Variants in DNM1L observed in about 807,000 individuals in gnomAD.
The protein encoded by DNM1L is dynamin-1-like protein.
A neutral mutation model predicts 92.8 loss-of-function variants in DNM1L; 33 were observed. The ratio of observed to expected loss-of-function variants is 0.36; its 90% CI spans 0.27 to 0.48. The LOEUF is 0.48. DNM1L is among the 20% of genes least tolerant of loss of function. DNM1L has a pLI of 0.99. For missense variants in DNM1L, 485 were observed against 888.8 expected (o/e 0.55, Z 5.78); for synonymous variants, 284 against 305.0 (o/e 0.93, Z 0.72).
chr12:32,708,759 A>G (rs1030546830), intron 4 of DNM1L, among the ~76,000 whole-genome samples: 1 of 152,092 alleles, frequency 6.6e-6, no homozygotes, highest in African/African-American at 2.4e-5. Flanking sequence ...GATTGTGAGA[A>G]TGTGAAGTAA....
chr12:32,729,444 A>C (rs1468589516), intron 9 of DNM1L, among the ~76,000 whole-genome samples: 2 of 151,978 alleles, frequency 1.3e-5, no homozygotes, highest in Non-Finnish European at 1.5e-5. Context: ...GGTAACCTCT[A>C]ATTTAATTAA....
intron 1 of DNM1L, among the ~76,000 whole-genome samples, chr12:32,687,573 G>T (rs1283259621): frequency 6.6e-6 from 1 of 152,018 alleles, no homozygotes; most frequent in Non-Finnish European, 1.5e-5. Context: ...CTCCCAAGTA[G>T]CTGAGACTAC....
At chr12:32,736,699 C>T (rs921921621) in intron 13 of DNM1L, among the ~76,000 whole-genome samples, 52 of 152,076 alleles carry the variant, frequency 3.4e-4, no homozygotes, top group Admixed American at 1.3e-3. Flanking sequence ...AAAGGCTTTG[C>T]GGAGTTTTCT....
At chr12:32,719,667 T>C (rs1467081318) in intron 7 of DNM1L, among the ~76,000 whole-genome samples, 1 of 152,196 alleles carries the variant, frequency 6.6e-6, no homozygotes, top group Non-Finnish European at 1.5e-5. Context: ...TGGAGAAATT[T>C]TATTAAAGGT....
At chr12:32,724,193 G>A (rs1374671887) in intron 9 of DNM1L, among the ~76,000 whole-genome samples, 2 of 152,094 alleles carry the variant, frequency 1.3e-5, no homozygotes, top group Non-Finnish European at 2.9e-5. Flanking sequence ...AATACTATGT[G>A]CTATCCCTGT....
intron 1 of DNM1L, among the ~76,000 whole-genome samples, chr12:32,698,430 G>A (rs11052187): frequency 0.074 from 11,283 of 152,206 alleles, 443 homozygotes; most frequent in Middle Eastern, 0.11. Flanking sequence ...TTTAGGCTTC[G>A]GGGTGATGAG....
intron 9 of DNM1L, chr12:32,727,529 G>C: frequency 3.6e-4 from 141 of 396,472 alleles, no homozygotes; most frequent in Middle Eastern, 7.7e-4. Flanking sequence ...TCTGAAAATG[G>C]AAAAAAAAAC....
chr12:32,694,665 A>G (rs564280329), intron 1 of DNM1L, among the ~76,000 whole-genome samples: 1 of 152,334 alleles, frequency 6.6e-6, no homozygotes, highest in African/African-American at 2.4e-5. Context: ...CTAAAACAGA[A>G]CAAATAGGAT....
At chr12:32,739,870 C>A in intron 16 of DNM1L, 194 bp from the exon 17 acceptor site, 1 of 643,360 alleles carries the variant, frequency 1.6e-6, no homozygotes, top group Non-Finnish European at 2.6e-6. Flanking sequence ...TAGAGCAGAA[C>A]TTCTTTATTA....
chr12:32,706,804 TGGCTCTACAGGTAA>T (rs2137333224), intron 2 of DNM1L: 3 of 424,530 alleles, frequency 7.1e-6, no homozygotes, highest in Middle Eastern at 7.0e-4. Flanking sequence ...CAGCAAGTTG[TGGCTCTACAGGTAA>T]CCAACAGGAA....
chr12:32,731,986 A>G lies in DNM1L; in HGVS notation c.1446+43A>G. 7.3e-6 allele frequency: 11 copies of G among 1,499,548 alleles called. No individual in the cohort carries two copies. Among genetic ancestry groups the G allele is most frequent in the Non-Finnish European group, 9.3e-6 (10 of 1,077,506 alleles). 92.9% of individuals were successfully genotyped at this position (1,499,548 alleles called of 1,614,324 possible). ...AGATCATTGTAATTACTATTAGTAA[A>G]AGTTTAAATTTTTGCTTGGCTGCTT... On this transcript the variant is annotated intron_variant, in intron 12 of 19. Coordinates refer to ENST00000549701, the MANE Select transcript of DNM1L (RefSeq NM_012062.5). This position sits in a 1 kb window ranked among gnomAD's most constrained non-coding sequence, Gnocchi z 5.1.
intron 1 of DNM1L, among the ~76,000 whole-genome samples, chr12:32,694,813 T>A (rs11052181): frequency 0.15 from 23,413 of 152,178 alleles, 1,903 homozygotes; most frequent in Middle Eastern, 0.21. Flanking sequence ...GCAGTGGAAC[T>A]TCTGATGGAG....
intron 5 of DNM1L, 184 bp downstream of exon 5, chr12:32,711,199 T>A (rs1185500913): frequency 1.4e-5 from 8 of 582,112 alleles, no homozygotes; most frequent in Non-Finnish European, 2.5e-5. Context: ...CTCTACAGGT[T>A]TATCTCCAGT....
chr12:32,740,389 T>TC lies in DNM1L; in HGVS notation c.1885-15dup. Reference sequence around the variant, plus strand: ...TTAGTGTCACAAAAGTAATATTTTTTCCCCCTCATCCCTATTTAGCCAGTT... The same window carrying TC: ...TTAGTGTCACAAAAGTAATATTTTTTCCCCCCTCATCCCTATTTAGCCAGTT... On this transcript the variant is annotated intron_variant, in intron 17 of 19. Transcript: ENST00000549701. 6.2e-7 allele frequency: 1 copy of TC among 1,611,930 alleles called. No homozygotes were observed. The highest frequency in any genetic ancestry group is 8.5e-7 in the Non-Finnish European group (1 of 1,178,440).
intron 6 of DNM1L, among the ~76,000 whole-genome samples, chr12:32,717,406 AAT>A: frequency 1.4e-5 from 1 of 71,576 alleles, no homozygotes; most frequent in South Asian, 3.2e-4. Context: ...TATAATATAT[AAT>A]ATATATTTTA....
intron 9 of DNM1L, chr12:32,726,682 T>C: frequency 1.5e-6 from 1 of 678,366 alleles, no homozygotes; most frequent in South Asian, 1.8e-5. Flanking sequence ...TTGGAAACTG[T>C]TTTAGTCACA....
intron 8 of DNM1L, among the ~76,000 whole-genome samples, chr12:32,721,517 T>C (rs751502355): frequency 1.3e-5 from 2 of 152,200 alleles, no homozygotes; most frequent in Non-Finnish European, 2.9e-5. Context: ...GCTTTTATTA[T>C]TTAGGAAAAA....
At chr12:32,718,157 T>G (rs968128782) in intron 6 of DNM1L, among the ~76,000 whole-genome samples, 5 of 144,948 alleles carry the variant, frequency 3.4e-5, no homozygotes, top group Admixed American at 1.5e-4. Context: ...TATATATATA[T>G]TTTAGATGGA....
At chr12:32,730,060 T>C (rs1031171971) in intron 9 of DNM1L, among the ~76,000 whole-genome samples, 6 of 152,170 alleles carry the variant, frequency 3.9e-5, no homozygotes, top group Non-Finnish European at 7.4e-5. Context: ...TCAGTAACTA[T>C]ATCAAGAGAT....
Sources: gnomAD v4.1 joint callset for allele counts (sites outside exome capture counted in the v4.1 genomes callset) on GRCh38, gnomAD v4.1.1 for gene constraint, Gnocchi (gnomAD v3.1) non-coding constraint, MANE v1.5 for transcripts, NCBI Gene and HGNC (gene_info 2026-07-23, HGNC 2026-07-21) for gene names.